Variants in PAPSS2 observed in about 807,000 individuals in gnomAD.
PAPSS2 encodes bifunctional 3'-phosphoadenosine 5'-phosphosulfate synthase 2.
Under a neutral mutation model 66.5 loss-of-function variants are expected in PAPSS2, and 61 were observed. The ratio of observed to expected loss-of-function variants is 0.92; its 90% CI spans 0.75 to 1.14. The LOEUF (loss-of-function observed/expected upper bound fraction) is 1.14. PAPSS2 is among the 50% of genes most tolerant of loss of function. The probability of loss-of-function intolerance (pLI) is 0.00; values close to 1 mark genes in which losing one functional copy is unlikely to be tolerated. For synonymous variants in PAPSS2, 289 were observed against 287.5 expected (o/e 1.01, Z -0.05); for missense variants, 708 against 789.6 (o/e 0.90, Z 1.24).
intron 1 of PAPSS2, chr10:87,703,632 C>T: frequency 2.2e-6 from 1 of 457,672 alleles, no homozygotes; most frequent in Non-Finnish European, 4.3e-6. Flanking sequence ...ATGTTAATAA[C>T]TTGCTCCAGG....
intron 1 of PAPSS2, 105 bp downstream of exon 1, chr10:87,660,113 C>A: frequency 8.3e-7 from 1 of 1,199,448 alleles, no homozygotes; most frequent in Non-Finnish European, 1.2e-6. Context: ...CGGGAGGGGG[C>A]GTCGGGAGGA....
chr10:87,723,378 C>T (rs751695033), intron 8 of PAPSS2, among the ~76,000 whole-genome samples: 13 of 152,110 alleles, frequency 8.5e-5, no homozygotes, highest in Non-Finnish European at 1.8e-4. Flanking sequence ...ACAGTTTGCC[C>T]CCTGCAGCAA....
At chr10:87,736,343 C>T (rs1853800953) in intron 9 of PAPSS2, among the ~76,000 whole-genome samples, 1 of 145,794 alleles carries the variant, frequency 6.9e-6, no homozygotes, top group African/African-American at 2.6e-5. Flanking sequence ...CCCCGGCTCA[C>T]TGCAACCTCC....
chr10:87,694,661 C>T (rs1853210436), intron 1 of PAPSS2, among the ~76,000 whole-genome samples: 1 of 152,202 alleles, frequency 6.6e-6, no homozygotes, highest in Non-Finnish European at 1.5e-5. Flanking sequence ...TAAATGGAAC[C>T]GGCTTAGCGG....
intron 9 of PAPSS2, among the ~76,000 whole-genome samples, chr10:87,732,465 G>A (rs2131723757): frequency 6.6e-6 from 1 of 152,162 alleles, no homozygotes; most frequent in African/African-American, 2.4e-5. Context: ...CGAGGCTGCA[G>A]TGAGCTGTGA....
At chr10:87,735,733 C>T (rs1853790008) in intron 9 of PAPSS2, among the ~76,000 whole-genome samples, 1 of 152,172 alleles carries the variant, frequency 6.6e-6, no homozygotes, top group Admixed American at 6.5e-5. Flanking sequence ...TTAGTAGCAT[C>T]CCTAGCCTCT....
At chr10:87,728,062 A>G (rs1853682159) in intron 9 of PAPSS2, among the ~76,000 whole-genome samples, 1 of 152,176 alleles carries the variant, frequency 6.6e-6, no homozygotes, top group Non-Finnish European at 1.5e-5. Context: ...TAAGATTGAA[A>G]AAAATGTGTT....
chr10:87,740,097 T>A (rs1853848335), intron 9 of PAPSS2, among the ~76,000 whole-genome samples: 1 of 152,252 alleles, frequency 6.6e-6, no homozygotes, highest in African/African-American at 2.4e-5. Context: ...ATATGACTAT[T>A]CGGCAGATAT....
intron 9 of PAPSS2, 33 bp from the exon 10 acceptor site, chr10:87,741,201 TA>T (rs1853863870): frequency 1.2e-6 from 2 of 1,609,452 alleles, no homozygotes; most frequent in Admixed American, 3.3e-5. Context: ...AAATCACAAT[TA>T]ATCATTAGCA....
intron 1 of PAPSS2, among the ~76,000 whole-genome samples, chr10:87,674,224 G>C (rs750090972): frequency 1.5e-4 from 23 of 152,194 alleles, no homozygotes; most frequent in Non-Finnish European, 5.9e-5. Context: ...GAGTGCAGTG[G>C]CACGATCTCG....
intron 1 of PAPSS2, among the ~76,000 whole-genome samples, chr10:87,682,158 A>G (rs994156922): frequency 2.6e-5 from 4 of 152,230 alleles, no homozygotes; most frequent in African/African-American, 2.4e-5. Context: ...CACAAGAAGT[A>G]TTAGACTTAC....
chr10:87,713,447 C>T (rs996437951), intron 3 of PAPSS2, 137 bp downstream of exon 3: 11 of 655,240 alleles, frequency 1.7e-5, no homozygotes, highest in Non-Finnish European at 2.7e-5. Flanking sequence ...CTATTTCTTC[C>T]CCCAATAACA....
intron 3 of PAPSS2, 105 bp from the exon 4 acceptor site, chr10:87,713,939 C>T: frequency 1.7e-6 from 2 of 1,173,978 alleles, no homozygotes; most frequent in Non-Finnish European, 2.5e-6. Flanking sequence ...AGCACAAACC[C>T]CAGTGTTATC....
intron 1 of PAPSS2, among the ~76,000 whole-genome samples, chr10:87,693,047 T>C (rs1186780748): frequency 1.3e-5 from 2 of 152,224 alleles, no homozygotes; most frequent in Non-Finnish European, 2.9e-5. Flanking sequence ...ATAATGACAG[T>C]AAGTCTCTAG....
intron 1 of PAPSS2, among the ~76,000 whole-genome samples, chr10:87,688,443 T>TTTTA (rs60199058): frequency 0.072 from 9,900 of 138,066 alleles, 560 homozygotes; most frequent in East Asian, 0.22. Flanking sequence ...TTCTTTTTTA[T>TTTTA]TTTATTTATT....
intron 1 of PAPSS2, among the ~76,000 whole-genome samples, chr10:87,662,611 C>A (rs1450933692): frequency 7.6e-6 from 1 of 130,944 alleles, no homozygotes; most frequent in Non-Finnish European, 1.5e-5. Flanking sequence ...AAGGGACAGA[C>A]TGCCTCTAGG....
chr10:87,712,663 C>T (rs185514912), intron 2 of PAPSS2, among the ~76,000 whole-genome samples: 370 of 152,122 alleles, frequency 2.4e-3, no homozygotes, highest in Non-Finnish European at 4.0e-3. Context: ...CACTATGTTC[C>T]CCAGGCTAGT....
At chr10:87,684,163 A>G (rs978518400) in intron 1 of PAPSS2, among the ~76,000 whole-genome samples, 3 of 152,224 alleles carry the variant, frequency 2.0e-5, no homozygotes, top group Admixed American at 6.5e-5. Context: ...ATGACCAATG[A>G]AGATTGAAGC....
Position 87,742,852 on chromosome 10 carries a change from C to A in PAPSS2, c.1223-521C>A, listed in dbSNP as rs76913850. Among the ~76,000 whole-genome samples the A allele has an allele frequency of 1.3e-4, 20 of 152,360 alleles. No individual in the cohort carries two copies. The East Asian group carries it at 3.9e-3, about 29-fold the overall frequency. ...GAGTTAGGCTGTCCCTAAGCAGCTT[C>A]CTGCCTCTGCATCTCATCCCTGTCT... is the stretch of plus-strand genomic sequence containing the variant. On this transcript the variant is annotated intron_variant, in intron 10 of 12. Transcript: ENST00000456849.
Sources: allele counts gnomAD v4.1 joint callset (sites outside exome capture counted in the v4.1 genomes callset), GRCh38; gene constraint gnomAD v4.1.1; transcripts MANE v1.5; gene names NCBI Gene and HGNC (gene_info 2026-07-23, HGNC 2026-07-21).